The following ETHE1 variants were observed in gnomAD, a reference collection of about 807,000 sequenced individuals.
ETHE1 encodes ETHE1 persulfide dioxygenase.
Under a neutral mutation model 25.7 loss-of-function variants are expected in ETHE1, and 16 were observed. That is an observed-to-expected ratio of 0.62 (90% CI 0.42 to 0.95). The LOEUF (loss-of-function observed/expected upper bound fraction) is 0.95. Among genes scored for constraint, ETHE1 ranks in the 40% least tolerant of loss-of-function variants. The probability of loss-of-function intolerance (pLI) is 0.00; values close to 1 mark genes in which losing one functional copy is unlikely to be tolerated. For missense variants in ETHE1, 300 were observed against 333.6 expected (o/e 0.90, Z 0.79); for synonymous variants, 139 against 135.9 (o/e 1.02, Z -0.16).
In ETHE1 at chr19:43,506,849, A is replaced by T; in HGVS notation, c.*1T>A. 1 of 1,613,518 alleles carries T rather than the reference A, an allele frequency of 6.2e-7. No homozygotes were observed. The highest frequency in any genetic ancestry group is 8.5e-7 in the Non-Finnish European group (1 of 1,179,836). Reference sequence around the variant, plus strand: ...GATGGGAGCATCTGACAGAAGTGAGATCAGGCAGTGGGTGTCTGCACCCCA... The same window carrying T: ...GATGGGAGCATCTGACAGAAGTGAGTTCAGGCAGTGGGTGTCTGCACCCCA... On this transcript the variant is annotated 3_prime_UTR_variant, in exon 7 of 7. Transcript: ENST00000292147.
chr19:43,508,686 G>T, intron 5 of ETHE1, 89 bp downstream of exon 5: 1 of 1,110,214 alleles, frequency 9.0e-7, no homozygotes, highest in Non-Finnish European at 1.3e-6. Context: ...TCTGAGACTG[G>T]TCGTCTTCAT....
intron 4 of ETHE1, 79 bp downstream of exon 4, chr19:43,511,358 A>G (rs1283212840): frequency 1.1e-5 from 17 of 1,603,046 alleles, no homozygotes; most frequent in Non-Finnish European, 1.5e-5. Context: ...CCATCCATTC[A>G]TTCTTGTAAC....
chr19:43,515,483 A>G (rs1297503213), intron 3 of ETHE1, among the ~76,000 whole-genome samples: 1 of 152,086 alleles, frequency 6.6e-6, no homozygotes, highest in African/African-American at 2.4e-5. Flanking sequence ...ATTTACAAAC[A>G]TAAACAGTAG....
rs769259233 is a variant in ETHE1 at position 43,526,196 on chromosome 19, C to T, written c.375+5G>A. 9 of 1,614,146 alleles carry T rather than the reference C, an allele frequency of 5.6e-6. No individual in the cohort carries two copies. Among genetic ancestry groups the T allele is most frequent in the Non-Finnish European group, 6.8e-6 (8 of 1,180,014 alleles). The stretch of plus-strand genomic sequence containing the variant: ...ACCCTCTTGGGGACCCAGCACCCAA[C>T]TCACGAAGCGCCCGAAGCGGATGGA... On this transcript the variant is annotated splice_donor_5th_base_variant and intron_variant, in intron 3 of 6. Coordinates refer to ENST00000292147, the MANE Select transcript of ETHE1 (RefSeq NM_014297.5).
At chr19:43,522,034 T>G (rs987074413) in intron 3 of ETHE1, among the ~76,000 whole-genome samples, 2 of 151,772 alleles carry the variant, frequency 1.3e-5, no homozygotes, top group African/African-American at 4.8e-5. Context: ...AGGGCAAAAA[T>G]TATGGCCAGT....
intron 4 of ETHE1, among the ~76,000 whole-genome samples, chr19:43,509,178 A>C (rs1420967180): frequency 5.9e-5 from 9 of 152,140 alleles, no homozygotes; most frequent in Non-Finnish European, 1.3e-4. Flanking sequence ...GGTTCTGAAC[A>C]AGGAAGGTGG....
At position 43,511,556 on chromosome 19, in the gene ETHE1, G is replaced by T. The variant is rs2145985053; in HGVS notation, c.386C>A (p.Thr129Asn). 6.2e-7 allele frequency: 1 copy of T among 1,613,626 alleles called. No homozygotes were observed. The highest frequency in any genetic ancestry group is 1.3e-5 in the African/African-American group (1 of 75,020). The change falls in exon 4 of 7, where the codon ACC becomes AAC. Residue 129 changes from threonine (T) to asparagine (N), a missense_variant. Physicochemically the swap from Thr to Asn is moderately conservative, Grantham distance 65. Transcript: ENST00000292147. ...SIRFGRFALETRASPGHTPGC... is the reference protein window; with the variant it reads ...SIRFGRFALENRASPGHTPGC... ...TGGGGTGTGGCCAGGGCTGGCCCTG[G>T]TCTCCAACGCCTGGCAGGGGTGGAA...
chr19:43,520,699 C>CAA (rs772901046), intron 3 of ETHE1, among the ~76,000 whole-genome samples: 2 of 121,238 alleles, frequency 1.6e-5, no homozygotes, highest in Admixed American at 8.6e-5. Flanking sequence ...GACCCTGTCT[C>CAA]AAAAAAAAAA....
At chr19:43,526,180 G>A (rs757504408) in intron 3 of ETHE1, 21 bp downstream of exon 3, 1 of 1,614,066 alleles carries the variant, frequency 6.2e-7, no homozygotes, top group South Asian at 1.1e-5. Flanking sequence ...CACCCTCTTG[G>A]GGACCCAGCA....
intron 3 of ETHE1, among the ~76,000 whole-genome samples, chr19:43,520,257 G>A (rs1972114053): frequency 5.9e-5 from 9 of 152,160 alleles, no homozygotes; most frequent in Admixed American, 5.9e-4. Context: ...TGCTACTCGG[G>A]AGGCTGAGGC....
intron 3 of ETHE1, among the ~76,000 whole-genome samples, chr19:43,518,541 T>G (rs569084584): frequency 6.6e-6 from 1 of 151,360 alleles, no homozygotes; most frequent in East Asian, 1.9e-4. Flanking sequence ...GGTCAGGAGA[T>G]CGAGACCATC....
intron 3 of ETHE1, among the ~76,000 whole-genome samples, chr19:43,523,302 G>A (rs746184529): frequency 6.6e-6 from 1 of 152,012 alleles, no homozygotes; most frequent in African/African-American, 2.4e-5. Flanking sequence ...ATGGAATCTC[G>A]CTTTGTCACC....
intron 3 of ETHE1, 76 bp from the exon 4 acceptor site, chr19:43,511,642 T>C (rs778877816): frequency 1.1e-5 from 17 of 1,542,610 alleles, no homozygotes; most frequent in Non-Finnish European, 1.5e-5. Context: ...AGCCCCACCC[T>C]ACCCCAGGGT....
chr19:43,511,351 T>A, intron 4 of ETHE1, 86 bp downstream of exon 4: 1 of 1,589,272 alleles, frequency 6.3e-7, no homozygotes, highest in Non-Finnish European at 8.6e-7. Context: ...CTAATGTCCA[T>A]CCATTCATTC....
chr19:43,514,359 G>T (rs117694603), intron 3 of ETHE1, among the ~76,000 whole-genome samples: 2 of 151,894 alleles, frequency 1.3e-5, no homozygotes, highest in Non-Finnish European at 1.5e-5. Context: ...CTTGCCTGTC[G>T]CCATGTAAGC....
chr19:43,518,999 G>GTTTTTTTTTTTTTTTTTTTTTTTT (rs71169253), intron 3 of ETHE1, among the ~76,000 whole-genome samples: 1 of 91,010 alleles, frequency 1.1e-5, no homozygotes, highest in African/African-American at 4.2e-5. Context: ...ATTTGTGCTT[G>GTTTTTTTTTTTTTTTTTTTTTTTT]TTTTTTTTTT....
chr19:43,519,254 C>T (rs2682565), intron 3 of ETHE1, among the ~76,000 whole-genome samples: 75,766 of 151,484 alleles, frequency 0.5, 19,031 homozygotes, highest in East Asian at 0.59. Flanking sequence ...TCGGGTGATC[C>T]GCACACCTCG....
chr19:43,511,381 AC>A (rs1971911379), intron 4 of ETHE1, 55 bp downstream of exon 4: 6 of 1,613,130 alleles, frequency 3.7e-6, no homozygotes, highest in Non-Finnish European at 5.1e-6. Flanking sequence ...ATACTTCAAC[AC>A]TTGACACACA....
intron 6 of ETHE1, among the ~76,000 whole-genome samples, chr19:43,507,366 C>T: frequency 2.0e-5 from 2 of 100,766 alleles, no homozygotes; most frequent in African/African-American, 3.9e-5. Flanking sequence ...TCCCTCCTCC[C>T]TCAGACCCAG....
Sources: gnomAD v4.1 joint callset for allele counts (sites outside exome capture counted in the v4.1 genomes callset) on GRCh38, gnomAD v4.1.1 for gene constraint, MANE v1.5 for transcripts, NCBI Gene and HGNC (gene_info 2026-07-23, HGNC 2026-07-21) for gene names.